The following GNAO1 variants were observed in gnomAD, a reference collection of about 807,000 sequenced individuals.
GNAO1 encodes guanine nucleotide-binding protein G(o) subunit alpha.
For missense variants in GNAO1, 166 were observed against 478.7 expected (o/e 0.35, Z 6.10); for synonymous variants, 164 against 180.7 (o/e 0.91, Z 0.74).
intron 3 of GNAO1, among the ~76,000 whole-genome samples, chr16:56,283,055 CAG>C (rs2037129512): frequency 2.0e-5 from 3 of 152,204 alleles, no homozygotes; most frequent in Admixed American, 2.0e-4. Context: ...AAAAACAACT[CAG>C]GGACATATGT....
intron 2 of GNAO1, among the ~76,000 whole-genome samples, chr16:56,228,075 C>G (rs1358357040): frequency 2.0e-5 from 3 of 152,156 alleles, no homozygotes; most frequent in South Asian, 2.1e-4. Context: ...ACAGGAAGCT[C>G]TCACCCCACG....
At chr16:56,289,040 G>GTT (rs1386095695) in intron 3 of GNAO1, among the ~76,000 whole-genome samples, 1 of 152,102 alleles carries the variant, frequency 6.6e-6, no homozygotes, top group Non-Finnish European at 1.5e-5. Flanking sequence ...AAAAGGGGGG[G>GTT]GGAGCGGAAA....
chr16:56,338,062 G>A (rs2037760335), intron 6 of GNAO1, among the ~76,000 whole-genome samples: 1 of 152,168 alleles, frequency 6.6e-6, no homozygotes, highest in Non-Finnish European at 1.5e-5. Flanking sequence ...CGTCATTTCT[G>A]GCCCAGCTGG....
intron 2 of GNAO1, among the ~76,000 whole-genome samples, chr16:56,217,217 CTTGCCTTCAGAGTT>C (rs1324251018): frequency 6.6e-6 from 1 of 152,220 alleles, no homozygotes; most frequent in Non-Finnish European, 1.5e-5. Context: ...GTGACATGTT[CTTGCCTTCAGAGTT>C]TTGCTGCACC....
chr16:56,240,440 G>A (rs2036684146), intron 2 of GNAO1, among the ~76,000 whole-genome samples: 1 of 152,178 alleles, frequency 6.6e-6, no homozygotes, highest in African/African-American at 2.4e-5. Context: ...GGTGATAGCA[G>A]TTTTCAACCA....
chr16:56,232,514 C>G (rs1393790696), intron 2 of GNAO1, among the ~76,000 whole-genome samples: 1 of 152,144 alleles, frequency 6.6e-6, no homozygotes, highest in Non-Finnish European at 1.5e-5. Flanking sequence ...ATATTAAAGC[C>G]TCTGAGAAGT....
At chr16:56,352,226 T>A (rs1444283629) in intron 7 of GNAO1, 1 of 152,740 alleles carries the variant, frequency 6.5e-6, no homozygotes, top group African/African-American at 2.4e-5. Flanking sequence ...TCTCTGGGGC[T>A]TTCTTCTTGC....
At chr16:56,350,764 A>AG (rs1386878704) in intron 6 of GNAO1, among the ~76,000 whole-genome samples, 1 of 152,046 alleles carries the variant, frequency 6.6e-6, no homozygotes, top group Non-Finnish European at 1.5e-5. Context: ...CTGAGACCAT[A>AG]GGAAGGGCCC....
chr16:56,313,751 G>GT (rs2037481334), intron 3 of GNAO1, among the ~76,000 whole-genome samples: 1 of 152,084 alleles, frequency 6.6e-6, no homozygotes, highest in East Asian at 1.9e-4. Flanking sequence ...TTTTGAGACG[G>GT]TATCTGTCTC....
chr16:56,218,665 A>G (rs1201764831), intron 2 of GNAO1, among the ~76,000 whole-genome samples: 3 of 151,982 alleles, frequency 2.0e-5, no homozygotes, highest in East Asian at 3.9e-4. Context: ...GCCCATTGCC[A>G]TGTCTCTCTC....
chr16:56,275,353 C>T (rs2037052417), intron 2 of GNAO1, among the ~76,000 whole-genome samples: 1 of 152,138 alleles, frequency 6.6e-6, no homozygotes, highest in Admixed American at 6.5e-5. Flanking sequence ...TTCAGATCCA[C>T]CAGAACGAGG....
intron 6 of GNAO1, chr16:56,344,039 T>G: frequency 5.8e-6 from 9 of 1,554,190 alleles, no homozygotes; most frequent in Non-Finnish European, 7.8e-6. Context: ...CAGACCACTC[T>G]TTGCACTTGA....
chr16:56,283,446 T>C (rs2037133767), intron 3 of GNAO1, among the ~76,000 whole-genome samples: 1 of 152,214 alleles, frequency 6.6e-6, no homozygotes, highest in Non-Finnish European at 1.5e-5. Flanking sequence ...ATTTCACATT[T>C]AGTTTTCAGA....
chr16:56,208,459 G>A lies in GNAO1; in HGVS notation c.161+15843G>A, dbSNP rs528090878. 7.8e-4 allele frequency among the ~76,000 whole-genome samples: 99 copies of A among 126,252 alleles called. 2 individuals carry two copies. The South Asian group carries it at 0.022, about 28-fold the overall frequency. The allele number at this position is 126,252 out of a possible 152,430, so 82.8% of individuals were successfully genotyped here. On this transcript the variant is annotated intron_variant, in intron 2 of 8. Coordinates refer to ENST00000262493, the MANE Select transcript of GNAO1 (RefSeq NM_020988.3). ...TGTGTGTGTGTGTGTGCGCGCGCGC[G>A]CACGTGTGTGTGTGTGTATTCTGGG...
chr16:56,203,153 G>A (rs551024832), intron 2 of GNAO1, among the ~76,000 whole-genome samples: 2 of 152,274 alleles, frequency 1.3e-5, no homozygotes, highest in African/African-American at 4.8e-5. Context: ...ACTGGGTGGA[G>A]AAGTGAAAGT....
intron 2 of GNAO1, chr16:56,193,493 T>G (rs2036201280): frequency 6.1e-6 from 1 of 164,058 alleles, no homozygotes; most frequent in African/African-American, 2.4e-5. Flanking sequence ...CTACCCACAA[T>G]GCGGATTTCA....
intron 3 of GNAO1, among the ~76,000 whole-genome samples, chr16:56,321,963 CA>C (rs1298884761): frequency 6.6e-6 from 1 of 152,222 alleles, no homozygotes; most frequent in Non-Finnish European, 1.5e-5. Context: ...ATTTATTTCT[CA>C]CAGTTCTGGA....
At chr16:56,330,241 C>A (rs2037675746) in intron 4 of GNAO1, among the ~76,000 whole-genome samples, 1 of 152,198 alleles carries the variant, frequency 6.6e-6, no homozygotes, top group Admixed American at 6.5e-5. Flanking sequence ...GTCCACCATT[C>A]CGTATGCACA....
At chr16:56,262,149 A>G (rs553112337) in intron 2 of GNAO1, among the ~76,000 whole-genome samples, 1 of 152,318 alleles carries the variant, frequency 6.6e-6, no homozygotes, top group South Asian at 2.1e-4. Context: ...CAAGGAAGGG[A>G]GGAGTTGCAC....
Sources: gnomAD v4.1 joint callset for allele counts (sites outside exome capture counted in the v4.1 genomes callset) on GRCh38, gnomAD v4.1.1 for gene constraint, MANE v1.5 for transcripts, NCBI Gene and HGNC (gene_info 2026-07-23, HGNC 2026-07-21) for gene names.